The following SEMA5A variants were observed in gnomAD, a reference collection of about 807,000 sequenced individuals.
SEMA5A encodes semaphorin 5A.
A neutral mutation model predicts 135.5 loss-of-function variants in SEMA5A; 55 were observed. The observed-to-expected ratio is 0.41, with a 90% CI of 0.33 to 0.51. SEMA5A has a LOEUF of 0.51. Among genes scored for constraint, SEMA5A ranks in the 20% least tolerant of loss-of-function variants. The pLI is 0.37. For synonymous variants in SEMA5A, 580 were observed against 546.5 expected, an observed-to-expected ratio of 1.06 and a Z score of -0.85; for missense variants, 1,290 against 1,419.9, an observed-to-expected ratio of 0.91 and a Z score of 1.47.
At chr5:9,431,646 A>G (rs916561437) in intron 2 of SEMA5A, among the ~76,000 whole-genome samples, 7 of 152,278 alleles carry the variant, frequency 4.6e-5, no homozygotes, top group East Asian at 3.9e-4. Context: ...GAAAATCCCC[A>G]AAGTCCCATG....
chr5:9,422,854 C>A (rs927736250), intron 2 of SEMA5A, among the ~76,000 whole-genome samples: 2 of 152,148 alleles, frequency 1.3e-5, no homozygotes, highest in Non-Finnish European at 1.5e-5. Flanking sequence ...AAAAATTAAT[C>A]TTAAAAAGTA....
chr5:9,292,158 G>A (rs1751118551), intron 5 of SEMA5A, among the ~76,000 whole-genome samples: 1 of 148,056 alleles, frequency 6.8e-6, no homozygotes, highest in African/African-American at 2.4e-5. Context: ...ACTTATACAA[G>A]TATTTAACCC....
chr5:9,213,026 G>A (rs949328286), intron 8 of SEMA5A, among the ~76,000 whole-genome samples: 1 of 152,166 alleles, frequency 6.6e-6, no homozygotes, highest in Admixed American at 6.5e-5. Context: ...TTTGCTTTCT[G>A]GTTCCTAGCC....
intron 6 of SEMA5A, among the ~76,000 whole-genome samples, chr5:9,228,031 G>A (rs1194935477): frequency 3.3e-5 from 5 of 152,198 alleles, no homozygotes; most frequent in African/African-American, 1.2e-4. Flanking sequence ...GGACATGTGA[G>A]CTGGAGAGCT....
At chr5:9,090,911 G>A (rs1043452527) in intron 16 of SEMA5A, among the ~76,000 whole-genome samples, 1 of 152,190 alleles carries the variant, frequency 6.6e-6, no homozygotes, top group Non-Finnish European at 1.5e-5. Context: ...GCAAATATCT[G>A]TCCTCCACTG....
rs555131421 is a variant in SEMA5A at position 9,188,618 on chromosome 5, A to G, written c.1273+1649T>C. Among the ~76,000 whole-genome samples the G allele has an allele frequency of 2.5e-3, 382 of 152,242 alleles. 2 individuals are homozygous for G. Among genetic ancestry groups the G allele is most frequent in the African/African-American group, 8.8e-3 (367 of 41,530 alleles). Reference sequence around the variant, plus strand: ...AACTGCCTCCTAGAATTGGAAGAAGATGGCCCTATTCTCCGTGTCATCAGC... The same window carrying G: ...AACTGCCTCCTAGAATTGGAAGAAGGTGGCCCTATTCTCCGTGTCATCAGC... On this transcript the variant is annotated intron_variant, in intron 11 of 22. Transcript: ENST00000382496.
chr5:9,202,320 CAA>C, intron 8 of SEMA5A, 80 bp from the exon 9 acceptor site: 1 of 1,462,822 alleles, frequency 6.8e-7, no homozygotes. Context: ...GTATTTCATC[CAA>C]AGAGACGTGG....
Position 9,346,914 on chromosome 5 carries a change from G to GTATATATATATATA in SEMA5A, c.125-9116_125-9103dup, listed in dbSNP as rs143461409. The stretch of plus-strand genomic sequence containing the variant: ...TATATGTGTGTGTGTGTGTGTGTGT[G>GTATATATATATATA]TATATATATATATATGTATTTGCCT... On this transcript the variant is annotated intron_variant, in intron 3 of 22. Coordinates refer to ENST00000382496, the MANE Select transcript of SEMA5A (RefSeq NM_003966.3). 1.7e-3 allele frequency among the ~76,000 whole-genome samples: 171 copies of GTATATATATATATA among 99,224 alleles called. 1 individual carries two copies. Among genetic ancestry groups the GTATATATATATATA allele is most frequent in the African/African-American group, 6.4e-3 (165 of 25,862 alleles). The allele number at this position is 99,224 out of a possible 152,430, so 65.1% of individuals were successfully genotyped here.
At chr5:9,518,967 C>G (rs1736672243) in intron 1 of SEMA5A, among the ~76,000 whole-genome samples, 2 of 151,932 alleles carry the variant, frequency 1.3e-5, no homozygotes, top group Non-Finnish European at 2.9e-5. Context: ...TTGGGGATAC[C>G]TGCTACCTGA....
intron 5 of SEMA5A, among the ~76,000 whole-genome samples, chr5:9,257,638 G>T (rs1749147484): frequency 6.6e-6 from 1 of 152,058 alleles, no homozygotes; most frequent in Admixed American, 6.5e-5. Flanking sequence ...GATGAGGTCA[G>T]TGAATAATGT....
chr5:9,408,997 G>A (rs1355473028), intron 2 of SEMA5A, among the ~76,000 whole-genome samples: 1 of 151,956 alleles, frequency 6.6e-6, no homozygotes, highest in Admixed American at 6.6e-5. Flanking sequence ...CTGTTTTTAC[G>A]GCAAATATTT....
chr5:9,241,577 A>G (rs2150463276), intron 5 of SEMA5A, among the ~76,000 whole-genome samples: 1 of 151,858 alleles, frequency 6.6e-6, no homozygotes, highest in South Asian at 2.1e-4. Flanking sequence ...AAAAAAAAAA[A>G]AAAAAAGAAG....
intron 2 of SEMA5A, among the ~76,000 whole-genome samples, chr5:9,386,545 G>GC (rs763813261): frequency 5.9e-5 from 9 of 152,114 alleles, no homozygotes; most frequent in Non-Finnish European, 7.3e-5. Context: ...GATGTCATGA[G>GC]CCCCTCATCT....
chr5:9,202,375 G>T, intron 8 of SEMA5A, 135 bp from the exon 9 acceptor site: 1 of 650,922 alleles, frequency 1.5e-6, no homozygotes, highest in Non-Finnish European at 2.3e-6. Flanking sequence ...CTATTGGGAG[G>T]CCCCGTGAGC....
intron 5 of SEMA5A, among the ~76,000 whole-genome samples, chr5:9,277,078 A>G (rs1181155374): frequency 1.3e-5 from 2 of 152,198 alleles, no homozygotes; most frequent in Non-Finnish European, 2.9e-5. Flanking sequence ...CAAAGGGCTA[A>G]TTTCCAGAAT....
At chr5:9,080,395 T>C (rs1175137011) in intron 16 of SEMA5A, among the ~76,000 whole-genome samples, 1 of 151,816 alleles carries the variant, frequency 6.6e-6, no homozygotes, top group East Asian at 1.9e-4. Flanking sequence ...GGGGAGCCGG[T>C]TGGGGGTGGC....
At position 9,203,598 on chromosome 5, in the gene SEMA5A, T is replaced by A. The variant is rs894481123; in HGVS notation, c.647-1358A>T. ...AAGACTATTGCCAATTTTCAATCAATACCTATATTCGATATTTTCACAAAA... is the reference window on the plus strand; with the variant it reads ...AAGACTATTGCCAATTTTCAATCAAAACCTATATTCGATATTTTCACAAAA... On this transcript the variant is annotated intron_variant, in intron 8 of 22. Transcript: ENST00000382496. Among the ~76,000 whole-genome samples the A allele has an allele frequency of 1.1e-4, 16 of 152,216 alleles. 1 individual carries two copies. Among genetic ancestry groups the A allele is most frequent in the Non-Finnish European group, 1.8e-4 (12 of 68,040 alleles).
chr5:9,084,780 G>A (rs1474915214), intron 16 of SEMA5A, among the ~76,000 whole-genome samples: 1 of 152,184 alleles, frequency 6.6e-6, no homozygotes, highest in African/African-American at 2.4e-5. Flanking sequence ...ATGTAGAAGT[G>A]ACTTTGGAAC....
chr5:9,494,073 G>A (rs1561296924), intron 1 of SEMA5A, among the ~76,000 whole-genome samples: 1 of 152,108 alleles, frequency 6.6e-6, no homozygotes, highest in Non-Finnish European at 1.5e-5. Context: ...CATAAAGGCT[G>A]AGCATAAAAA....
Sources: gnomAD v4.1 joint callset for allele counts (sites outside exome capture counted in the v4.1 genomes callset) on GRCh38, gnomAD v4.1.1 for gene constraint, MANE v1.5 for transcripts, NCBI Gene and HGNC (gene_info 2026-07-23, HGNC 2026-07-21) for gene names.